The following HMCN2 variants were observed in gnomAD, a reference collection of about 807,000 sequenced individuals.
The protein encoded by HMCN2 is hemicentin 2, also known as hemicentin-2.
A neutral mutation model predicts 377.5 loss-of-function variants in HMCN2; 325 were observed. The observed-to-expected ratio is 0.86, with a 90% CI of 0.79 to 0.94. HMCN2 has a LOEUF of 0.94. Ranked by LOEUF, HMCN2 falls within the 40% of genes least tolerant of loss-of-function variation. HMCN2 has a pLI of 0.00. For missense variants in HMCN2, 4,543 were observed against 4,725.3 expected (o/e 0.96, Z 1.13); for synonymous variants, 2,007 against 2,046.8 (o/e 0.98, Z 0.53).
intron 1 of HMCN2, among the ~76,000 whole-genome samples, chr9:130,278,486 G>A (rs996070405): frequency 2.6e-5 from 4 of 152,120 alleles, no homozygotes; most frequent in Non-Finnish European, 4.4e-5. Flanking sequence ...GGAATGAAAC[G>A]TTTGTGGATC....
At position 130,265,942 on chromosome 9, in the gene HMCN2, G is replaced by A. The variant is rs1192619307; in HGVS notation, c.64G>A (p.Val22Met). The change falls in exon 1 of 98, where the codon GTG (valine) becomes ATG (methionine). Residue 22 changes from valine to methionine, a missense_variant. Val to Met is a conservative substitution (Grantham distance 21, BLOSUM62 1). This residue lies in a region of HMCN2 where 547 missense variants were observed against 189.9 expected (regional missense o/e 2.88). Coordinates refer to ENST00000683500, the MANE Select transcript of HMCN2 (RefSeq NM_001291815.2). ...TAVSAAVAVA[V>M]AGAPGTVMPP... ...GGTCTCTGCGGCAGTGGCAGTGGCA[G>A]TGGCCGGGGCGCCCGGGACGGTAAT... is the stretch of plus-strand genomic sequence containing the variant. 2.3e-6 allele frequency: 1 copy of A among 443,142 alleles called. No homozygotes were observed. Among genetic ancestry groups the A allele is most frequent in the African/African-American group, 2.1e-5 (1 of 48,690 alleles). 27.5% of individuals were successfully genotyped at this position (443,142 alleles called of 1,614,324 possible).
At chr9:130,274,492 T>C (rs887477253) in intron 1 of HMCN2, among the ~76,000 whole-genome samples, 1 of 152,254 alleles carries the variant, frequency 6.6e-6, no homozygotes, top group Non-Finnish European at 1.5e-5. Context: ...ATTTCATGTG[T>C]GCAATCAGTA....
At chr9:130,383,166 G>A (rs986332428) in intron 56 of HMCN2, among the ~76,000 whole-genome samples, 1 of 152,192 alleles carries the variant, frequency 6.6e-6, no homozygotes, top group African/African-American at 2.4e-5. Context: ...GCCGTGCCCA[G>A]CACTCAGACA....
intron 22 of HMCN2, among the ~76,000 whole-genome samples, chr9:130,329,270 C>A (rs1657789043): frequency 6.6e-6 from 1 of 152,264 alleles, no homozygotes; most frequent in East Asian, 1.9e-4. Flanking sequence ...CTTCTGTCAC[C>A]TAACTCAATG....
chr9:130,286,666 C>T (rs1366513973), intron 4 of HMCN2, among the ~76,000 whole-genome samples: 7 of 152,232 alleles, frequency 4.6e-5, no homozygotes, highest in Admixed American at 4.6e-4. Context: ...GAGACTGTGG[C>T]AGAAATGTGG....
chr9:130,386,383 A>G, intron 60 of HMCN2, 60 bp from the exon 61 acceptor site: 1 of 1,088,568 alleles, frequency 9.2e-7, no homozygotes, highest in South Asian at 1.3e-5. Flanking sequence ...GCTTTTGGGG[A>G]GCCCTAGCAC....
chr9:130,318,647 A>G (rs1837691912), intron 15 of HMCN2, among the ~76,000 whole-genome samples: 1 of 152,062 alleles, frequency 6.6e-6, no homozygotes, highest in Non-Finnish European at 1.5e-5. Context: ...GAATTAGGGG[A>G]ATCTCTGCCC....
At chr9:130,356,339 G>A (rs972464287) in intron 34 of HMCN2, 82 bp downstream of exon 34, 140 of 1,198,376 alleles carry the variant, frequency 1.2e-4, no homozygotes, top group Non-Finnish European at 1.4e-4. Flanking sequence ...GGCAGGCCTG[G>A]AAGGGCACGG....
chr9:130,272,255 T>G (rs1042827260), intron 1 of HMCN2, among the ~76,000 whole-genome samples: 6 of 149,126 alleles, frequency 4.0e-5, no homozygotes, highest in Admixed American at 1.3e-4. Flanking sequence ...GTTTTTGTTT[T>G]TTTGAGATGG....
intron 4 of HMCN2, among the ~76,000 whole-genome samples, chr9:130,287,227 A>G (rs559440372): frequency 1.3e-5 from 2 of 152,046 alleles, no homozygotes; most frequent in East Asian, 3.9e-4. Context: ...CCAGCCCCTT[A>G]TCTGACCCCT....
At position 130,308,323 on chromosome 9, in the gene HMCN2, C is replaced by T. The variant is rs909220073; in HGVS notation, c.2200+757C>T. 5.3e-5 allele frequency among the ~76,000 whole-genome samples: 8 copies of T among 152,124 alleles called. No homozygotes were observed. The highest frequency in any genetic ancestry group is 4.1e-4 in the South Asian group (2 of 4,824). ...TGCTTGGCATTCTTAGTGATAGTGC[C>T]GACGATAATGTGATTATCTGAAAAT... is the stretch of plus-strand genomic sequence containing the variant. On this transcript the variant is annotated intron_variant, in intron 14 of 97. Transcript: ENST00000683500. This position sits in a 1 kb window ranked among gnomAD's most constrained non-coding sequence, Gnocchi z 4.1.
intron 8 of HMCN2, among the ~76,000 whole-genome samples, chr9:130,299,812 C>T (rs1554933713): frequency 6.6e-6 from 1 of 150,932 alleles, no homozygotes; most frequent in African/African-American, 2.4e-5. Flanking sequence ...TCCATTCATG[C>T]ATGCATTGAC....
At chr9:130,413,888 G>A (rs1843547935) in intron 85 of HMCN2, among the ~76,000 whole-genome samples, 1 of 151,738 alleles carries the variant, frequency 6.6e-6, no homozygotes, top group Non-Finnish European at 1.5e-5. Flanking sequence ...GCTCGTGTCT[G>A]TAATCCCAGC....
intron 85 of HMCN2, among the ~76,000 whole-genome samples, chr9:130,417,449 G>C: frequency 6.6e-6 from 1 of 150,846 alleles, no homozygotes; most frequent in East Asian, 2.0e-4. Flanking sequence ...TTGAAGCCGG[G>C]AGGCAGAGGT....
Position 130,408,786 on chromosome 9 carries a change from A to G in HMCN2, c.12732A>G (p.Glu4244=), listed in dbSNP as rs1273942864. 1.1e-4 allele frequency: 138 copies of G among 1,289,492 alleles called. No homozygotes were observed. Among genetic ancestry groups the G allele is most frequent in the Non-Finnish European group, 1.2e-4 (122 of 988,742 alleles). The allele number at this position is 1,289,492 out of a possible 1,614,324, so 79.9% of individuals were successfully genotyped here. ...GGGAGGCTTTCTCCTACCTGGTGGA[A>G]CCTGTAGGAGGCAGCATTCAGCTAG... ...LQGEAFSYLV[E]PVGGSIQLDC... Residue 4244 remains glutamate, a synonymous_variant, in exon 84 of 98, where the codon GAA becomes GAG. Coordinates refer to ENST00000683500, the MANE Select transcript of HMCN2 (RefSeq NM_001291815.2).
At chr9:130,395,566 G>A (rs770958221) in intron 71 of HMCN2, among the ~76,000 whole-genome samples, 2 of 152,150 alleles carry the variant, frequency 1.3e-5, no homozygotes, top group African/African-American at 2.4e-5. Context: ...CAGGGCTTCC[G>A]AGGCCCACCC....
chr9:130,336,956 C>G (rs1838786249), intron 22 of HMCN2, among the ~76,000 whole-genome samples: 1 of 152,044 alleles, frequency 6.6e-6, no homozygotes, highest in Non-Finnish European at 1.5e-5. Flanking sequence ...AGGTGGGGGC[C>G]AGGCATCCCG....
In HMCN2 at chr9:130,428,769, G is replaced by A. The variant is rs1424984384; in HGVS notation, c.14197+280G>A. The stretch of plus-strand genomic sequence containing the variant: ...CTTGATAAAGAGGGAGCCAGGTCAG[G>A]GATGGCAAACACATGCTCCCTCTGC... On this transcript the variant is annotated intron_variant, in intron 93 of 97. Transcript: ENST00000683500. The surrounding 1 kb of genome is among the most constrained non-coding windows in gnomAD (Gnocchi z 5.0). Among the ~76,000 whole-genome samples, 2 of 152,152 alleles carry A rather than the reference G, an allele frequency of 1.3e-5. No homozygotes were observed. The highest frequency in any genetic ancestry group is 2.9e-5 in the Non-Finnish European group (2 of 68,016).
intron 15 of HMCN2, among the ~76,000 whole-genome samples, chr9:130,314,578 C>A (rs1023708586): frequency 6.6e-6 from 1 of 152,158 alleles, no homozygotes; most frequent in Non-Finnish European, 1.5e-5. Context: ...AAGTGGTCCC[C>A]GAGTCCTCAG....
Sources: gnomAD v4.1 joint callset for allele counts (sites outside exome capture counted in the v4.1 genomes callset) on GRCh38, gnomAD v4.1.1 for gene constraint, gnomAD v4.1.1 regional missense constraint, Gnocchi (gnomAD v3.1) non-coding constraint, MANE v1.5 for transcripts, NCBI Gene and HGNC (gene_info 2026-07-23, HGNC 2026-07-21) for gene names.